The following SLC24A2 variants were observed in gnomAD, a reference collection of about 807,000 sequenced individuals.
SLC24A2 encodes sodium/potassium/calcium exchanger 2.
In SLC24A2, 36 loss-of-function variants were observed where a neutral mutation model predicts 62.0. The observed-to-expected ratio is 0.58, with a 90% CI of 0.44 to 0.77. The LOEUF is 0.77. SLC24A2 is among the 30% of genes least tolerant of loss of function. SLC24A2 has a pLI of 0.00. For synonymous variants in SLC24A2, 358 were observed against 294.0 expected, an observed-to-expected ratio of 1.22 and a Z score of -2.23; for missense variants, 846 against 817.9, an observed-to-expected ratio of 1.03 and a Z score of -0.42.
At chr9:19,604,793 G>C (rs1836938041) in intron 4 of SLC24A2, among the ~76,000 whole-genome samples, 1 of 152,058 alleles carries the variant, frequency 6.6e-6, no homozygotes, top group African/African-American at 2.4e-5. Flanking sequence ...AGTAATTCAA[G>C]GTAAAAATCC....
the SLC24A2 span, among the ~76,000 whole-genome samples, chr9:19,850,982 T>TACATAC: frequency 1.2e-4 from 5 of 42,144 alleles, no homozygotes; most frequent in African/African-American, 5.1e-4. Flanking sequence ...TATATATATA[T>TACATAC]ATGTATATAT....
intron 8 of SLC24A2, among the ~76,000 whole-genome samples, chr9:19,541,994 T>G (rs2132710651): frequency 6.6e-6 from 1 of 152,328 alleles, no homozygotes; most frequent in African/African-American, 2.4e-5. Flanking sequence ...CACCCCTTTC[T>G]TTGACTCGGA....
the SLC24A2 span, among the ~76,000 whole-genome samples, chr9:20,213,024 G>A: frequency 6.6e-6 from 1 of 151,654 alleles, no homozygotes; most frequent in Non-Finnish European, 1.5e-5. Flanking sequence ...CTGACGGAGG[G>A]TGTGTGTGGG....
intron 7 of SLC24A2, among the ~76,000 whole-genome samples, chr9:19,562,243 A>G (rs1276593880): frequency 6.6e-6 from 1 of 152,236 alleles, no homozygotes; most frequent in Non-Finnish European, 1.5e-5. Flanking sequence ...AACATAAAAA[A>G]TAATTCAAAA....
In SLC24A2 at chr9:19,562,799, C is replaced by G. The variant is rs540176453; in HGVS notation, c.1347+10552G>C. On this transcript the variant is annotated intron_variant, in intron 7 of 10. Coordinates refer to ENST00000341998, the MANE Select transcript of SLC24A2 (RefSeq NM_020344.4). Reference sequence around the variant, plus strand: ...AGGCAGTCATAGTTCTAATACTGTTCAGGCCTTGAAAAATCCAATCTAGGC... The same window carrying G: ...AGGCAGTCATAGTTCTAATACTGTTGAGGCCTTGAAAAATCCAATCTAGGC... Among the ~76,000 whole-genome samples the G allele has an allele frequency of 2.0e-5, 3 of 152,268 alleles. No individual in the cohort carries two copies. In the South Asian group the frequency reaches 6.2e-4, roughly 32 times the overall value.
chr9:20,193,810 G>T, the SLC24A2 span, among the ~76,000 whole-genome samples: 18 of 152,206 alleles, frequency 1.2e-4, no homozygotes, highest in Non-Finnish European at 2.5e-4. Context: ...ATCTACAGAA[G>T]TCCCAAGAGG....
the SLC24A2 span, among the ~76,000 whole-genome samples, chr9:20,164,265 T>G: frequency 6.6e-6 from 1 of 151,034 alleles, no homozygotes; most frequent in Non-Finnish European, 1.5e-5. Context: ...GAATCTACAA[T>G]GAACTCAAAC....
the SLC24A2 span, among the ~76,000 whole-genome samples, chr9:19,827,799 C>T: frequency 2.6e-5 from 4 of 152,164 alleles, no homozygotes; most frequent in Admixed American, 6.6e-5. Context: ...AAGAAATCAT[C>T]TACTTTAAAA....
At chr9:20,042,916 C>G in the SLC24A2 span, among the ~76,000 whole-genome samples, 3 of 152,152 alleles carry the variant, frequency 2.0e-5, no homozygotes, top group African/African-American at 7.2e-5. Flanking sequence ...AGATGGAAAA[C>G]TTAATTGATA....
the SLC24A2 span, among the ~76,000 whole-genome samples, chr9:19,961,539 G>T: frequency 6.6e-6 from 1 of 152,156 alleles, no homozygotes; most frequent in Non-Finnish European, 1.5e-5. Context: ...TCTATGGCAT[G>T]GCCCCACACT....
chr9:19,845,621 T>G, the SLC24A2 span, among the ~76,000 whole-genome samples: 1 of 152,184 alleles, frequency 6.6e-6, no homozygotes, highest in Non-Finnish European at 1.5e-5. Flanking sequence ...GGTTATTTCT[T>G]TTCTTCTGCT....
intron 2 of SLC24A2, among the ~76,000 whole-genome samples, chr9:19,735,764 A>T (rs1821490008): frequency 6.6e-6 from 1 of 152,022 alleles, no homozygotes; most frequent in South Asian, 2.1e-4. Flanking sequence ...AAGGACAAAA[A>T]ACCAAACACC....
rs976219485 is a variant in SLC24A2 at position 19,521,050 on chromosome 9, G to A, written c.1580C>T (p.Thr527Ile). The change falls in exon 10 of 11, where the codon ACA becomes ATA. Residue 527 changes from threonine to isoleucine, a missense_variant. Transcript: ENST00000341998. ...CATAATCTCTTCACTGATGCCAATT[G>A]TCTCTCCAACCTAAATGTCAGGACA... ...MVWWAHQVGE[T>I]IGISEEIMGL... 6.2e-7 allele frequency: 1 copy of A among 1,614,006 alleles called. No homozygotes were observed. Among genetic ancestry groups the A allele is most frequent in the Non-Finnish European group, 8.5e-7 (1 of 1,179,914 alleles).
In SLC24A2 at chr9:19,573,335, T is replaced by C. The variant is rs565006814; in HGVS notation, c.1347+16A>G. The C allele has an allele frequency of 2.6e-6, 4 of 1,519,470 alleles. No individual in the cohort carries two copies. The highest frequency in any genetic ancestry group is 2.7e-5 in the African/African-American group (2 of 72,860). The allele number at this position is 1,519,470 out of a possible 1,614,324, so 94.1% of individuals were successfully genotyped here. On this transcript the variant is annotated intron_variant, in intron 7 of 10. Transcript: ENST00000341998. ...TAAGAACAACAGCCCAGAAGAGCAA[T>C]GGAGAAAAGCCATACCTGGGCTTCT...
At chr9:19,908,484 T>C in the SLC24A2 span, among the ~76,000 whole-genome samples, 2 of 152,058 alleles carry the variant, frequency 1.3e-5, no homozygotes, top group African/African-American at 4.8e-5. Context: ...AATTGACAAA[T>C]GGGATCTAAT....
At chr9:20,239,720 G>A in the SLC24A2 span, among the ~76,000 whole-genome samples, 43 of 152,322 alleles carry the variant, frequency 2.8e-4, 1 homozygote, top group African/African-American at 1.0e-3. Flanking sequence ...TACCTGAACT[G>A]TATGTAAAAC....
intron 2 of SLC24A2, among the ~76,000 whole-genome samples, chr9:19,748,850 C>G (rs1057364827): frequency 1.3e-5 from 2 of 151,478 alleles, no homozygotes; most frequent in Non-Finnish European, 2.9e-5. Flanking sequence ...GATAAGCAAC[C>G]CTTCTTTGTT....
the SLC24A2 span, chr9:19,929,158 T>C: frequency 6.6e-6 from 1 of 152,176 alleles, no homozygotes; most frequent in South Asian, 2.1e-4. Context: ...TTCTAGATGA[T>C]CTGGTAGTTT....
chr9:19,572,676 C>G (rs1016110578), intron 7 of SLC24A2, among the ~76,000 whole-genome samples: 1 of 152,198 alleles, frequency 6.6e-6, no homozygotes, highest in Non-Finnish European at 1.5e-5. Context: ...TTCATAAGTT[C>G]TCTATAGCAG....
Sources: allele counts gnomAD v4.1 joint callset (sites outside exome capture counted in the v4.1 genomes callset), GRCh38; gene constraint gnomAD v4.1.1; transcripts MANE v1.5; gene names NCBI Gene and HGNC (gene_info 2026-07-23, HGNC 2026-07-21).